NPY1R: variants seen among roughly 807,000 people sequenced by gnomAD.
NPY1R encodes neuropeptide Y receptor Y1.
NPY1R carries 10 observed loss-of-function variants against 24.1 expected under a neutral mutation model. The ratio of observed to expected loss-of-function variants is 0.42; its 90% CI spans 0.26 to 0.71. The LOEUF (loss-of-function observed/expected upper bound fraction) is 0.71. NPY1R is among the 30% of genes least tolerant of loss of function. The pLI is 0.28. For missense variants in NPY1R, 350 were observed against 458.0 expected, an observed-to-expected ratio of 0.76 and a Z score of 2.15; for synonymous variants, 168 against 165.9, an observed-to-expected ratio of 1.01 and a Z score of -0.10.
intron 1 of NPY1R, among the ~76,000 whole-genome samples, chr4:163,327,871 A>G (rs56233753): frequency 0.53 from 80,362 of 151,970 alleles, 22,186 homozygotes; most frequent in Non-Finnish European, 0.61. Flanking sequence ...AATATGTGAG[A>G]CGGAGTTTCT....
intron 1 of NPY1R, among the ~76,000 whole-genome samples, chr4:163,332,214 A>G (rs1173515510): frequency 6.6e-6 from 1 of 152,146 alleles, no homozygotes; most frequent in Non-Finnish European, 1.5e-5. Context: ...CCATCCAGAA[A>G]TTCCCCGGGA....
At chr4:163,331,800 C>T (rs1734734287) in intron 1 of NPY1R, among the ~76,000 whole-genome samples, 1 of 152,242 alleles carries the variant, frequency 6.6e-6, no homozygotes, top group African/African-American at 2.4e-5. Context: ...CTGATTAGAA[C>T]TCCGATGATT....
chr4:163,344,010 C>A (rs1735092683), intron 1 of NPY1R: 1 of 152,474 alleles, frequency 6.6e-6, no homozygotes, highest in East Asian at 1.9e-4. Context: ...GGTACGGGCT[C>A]CCGCCCCTCC....
chr4:163,329,003 A>G (rs1734669241), intron 1 of NPY1R, among the ~76,000 whole-genome samples: 1 of 152,202 alleles, frequency 6.6e-6, no homozygotes, highest in Non-Finnish European at 1.5e-5. Flanking sequence ...CCTAACATCA[A>G]TAGCTCAATT....
At chr4:163,340,780 A>G (rs1347411395) in intron 1 of NPY1R, among the ~76,000 whole-genome samples, 1 of 152,160 alleles carries the variant, frequency 6.6e-6, no homozygotes, top group Admixed American at 6.5e-5. Context: ...TTATAAAAAT[A>G]TGTATGTAAT....
intron 1 of NPY1R, among the ~76,000 whole-genome samples, chr4:163,343,685 G>A (rs1397069866): frequency 6.6e-6 from 1 of 152,168 alleles, no homozygotes; most frequent in East Asian, 1.9e-4. Context: ...TGGGACCCGA[G>A]GCCAGGGTGA....
intron 1 of NPY1R, among the ~76,000 whole-genome samples, chr4:163,339,393 A>G (rs758721833): frequency 2.0e-5 from 3 of 152,108 alleles, no homozygotes; most frequent in Non-Finnish European, 2.9e-5. Flanking sequence ...ATAAGAAATA[A>G]ACCTAGAGTT....
At chr4:163,337,116 T>G (rs367741611), upstream of NPY1R, among the ~76,000 whole-genome samples, 55 of 152,298 alleles carry the variant, frequency 3.6e-4, 3 homozygotes, top group East Asian at 7.0e-3. Flanking sequence ...AAGGTCTAGC[T>G]ATTGCTTCCT....
chr4:163,331,998 C>T (rs1734742439), intron 1 of NPY1R, among the ~76,000 whole-genome samples: 1 of 152,308 alleles, frequency 6.6e-6, no homozygotes, highest in African/African-American at 2.4e-5. Flanking sequence ...GGGACCCGTG[C>T]GACGCTGGGC....
intron 1 of NPY1R, 47 bp from the exon 2 acceptor site, chr4:163,326,752 A>G (rs2110785952): frequency 2.2e-6 from 1 of 460,846 alleles, no homozygotes; most frequent in East Asian, 3.4e-5. Flanking sequence ...TATTGAGGGC[A>G]GTCAAAATGA....
At chr4:163,334,688 C>T (rs184447805), upstream of NPY1R, among the ~76,000 whole-genome samples, 11 of 151,980 alleles carry the variant, frequency 7.2e-5, no homozygotes, top group East Asian at 5.8e-4. Context: ...AGTGAAACCC[C>T]GTCTCTACTA....
At chr4:163,341,759 G>A (rs578007554) in intron 1 of NPY1R, among the ~76,000 whole-genome samples, 3 of 152,244 alleles carry the variant, frequency 2.0e-5, no homozygotes, top group Non-Finnish European at 4.4e-5. Flanking sequence ...TAAAACAGAG[G>A]TGGACATTAC....
intron 1 of NPY1R, among the ~76,000 whole-genome samples, chr4:163,327,186 T>C (rs781746686): frequency 4.1e-4 from 63 of 152,210 alleles, no homozygotes; most frequent in Non-Finnish European, 7.9e-4. Context: ...ACTGCACTGC[T>C]TTTTAGGGCA....
chr4:163,342,917 C>T (rs1056427219), intron 1 of NPY1R, among the ~76,000 whole-genome samples: 1 of 151,850 alleles, frequency 6.6e-6, no homozygotes, highest in Non-Finnish European at 1.5e-5. Flanking sequence ...TCCAAAGACA[C>T]ATGGACATCT....
At chr4:163,343,016 A>ACG (rs1445307095) in intron 1 of NPY1R, among the ~76,000 whole-genome samples, 4 of 136,386 alleles carry the variant, frequency 2.9e-5, no homozygotes, top group Non-Finnish European at 4.7e-5. Context: ...ACACACACAC[A>ACG]CACGCGCGCG....
chr4:163,333,516 GAGT>G (rs1156760664), upstream of NPY1R, among the ~76,000 whole-genome samples: 1 of 151,976 alleles, frequency 6.6e-6, no homozygotes, highest in Non-Finnish European at 1.5e-5. Context: ...TGATGCAAAT[GAGT>G]AGAACTTCTT....
Position 163,324,395 on chromosome 4 carries a change from T to C in NPY1R, c.*908A>G, listed in dbSNP as rs900575771. 6.6e-6 allele frequency: 1 copy of C among 152,492 alleles called. No homozygotes were observed. The highest frequency in any genetic ancestry group is 2.4e-5 in the African/African-American group (1 of 41,460). 9.4% of individuals were successfully genotyped at this position (152,492 alleles called of 1,614,324 possible). A position where few individuals can be genotyped will look rare whatever the true frequency, so the allele number is the denominator to read the frequency against. ...AAACGCATTTTGTGTTTCTACAAAT[T>C]GTAAGCGGAAATGCCTTTTGAGTAC... On this transcript the variant is annotated 3_prime_UTR_variant, in exon 3 of 3. Transcript: ENST00000296533.
At chr4:163,335,662 C>G (rs1201145068), upstream of NPY1R, among the ~76,000 whole-genome samples, 1 of 151,812 alleles carries the variant, frequency 6.6e-6, no homozygotes, top group Non-Finnish European at 1.5e-5. Context: ...GGGGGTAGAA[C>G]TATGATGAAG....
At chr4:163,327,691 A>G (rs977703017) in intron 1 of NPY1R, among the ~76,000 whole-genome samples, 60 of 152,182 alleles carry the variant, frequency 3.9e-4, no homozygotes, top group Non-Finnish European at 7.8e-4. Context: ...TGTGTGCCCA[A>G]TGCAAGGATC....
Sources: gnomAD v4.1 joint callset for allele counts (sites outside exome capture counted in the v4.1 genomes callset) on GRCh38, gnomAD v4.1.1 for gene constraint, MANE v1.5 for transcripts, NCBI Gene and HGNC (gene_info 2026-07-23, HGNC 2026-07-21) for gene names.